The following NR3C1 variants were observed in gnomAD, a reference collection of about 807,000 sequenced individuals.
NR3C1 encodes the protein nuclear receptor subfamily 3 group C member 1.
A neutral mutation model predicts 74.0 loss-of-function variants in NR3C1; 14 were observed. The observed-to-expected ratio is 0.19, with a 90% CI of 0.12 to 0.30. NR3C1 has a LOEUF of 0.30. NR3C1 is among the 10% of genes least tolerant of loss of function. The pLI is 1.00. For missense variants in NR3C1, 695 were observed against 909.8 expected, an observed-to-expected ratio of 0.76 and a Z score of 3.04; for synonymous variants, 308 against 332.5, an observed-to-expected ratio of 0.93 and a Z score of 0.80.
intron 1 of NR3C1, among the ~76,000 whole-genome samples, chr5:143,429,841 A>G (rs1017288129): frequency 1.3e-5 from 2 of 152,112 alleles, no homozygotes; most frequent in Non-Finnish European, 2.9e-5. Flanking sequence ...GCACTTTGGG[A>G]GGCCGAGGTG....
chr5:143,420,240 C>T (rs1187895122), intron 1 of NR3C1, among the ~76,000 whole-genome samples: 1 of 152,076 alleles, frequency 6.6e-6, no homozygotes, highest in East Asian at 1.9e-4. Context: ...CATACATCCT[C>T]CTCAGTTTAG....
rs1333779302 is a variant in NR3C1 at position 143,400,547 on chromosome 5, A to G, written c.293T>C (p.Met98Thr). ...CTGTGGGAATCCCAGGTCATTTCCC[A>G]TCACTTTTGTTTCTGTCTCTCCCAT... ...LYMGETETKV[M>T]GNDLGFPQQG... The change falls in exon 2 of 9, where the codon ATG (methionine) becomes ACG (threonine). Residue 98 changes from methionine (M) to threonine (T), a missense_variant. This residue lies in a region of NR3C1 where 497 missense variants were observed against 489.5 expected (regional missense o/e 1.02). Coordinates refer to ENST00000394464, the MANE Select transcript of NR3C1 (RefSeq NM_000176.3). 1 of 1,614,254 alleles carries G rather than the reference A, an allele frequency of 6.2e-7. No homozygotes were observed. Among genetic ancestry groups the G allele is most frequent in the Non-Finnish European group, 8.5e-7 (1 of 1,180,050 alleles).
chr5:143,435,074 A>G (rs1472431455), exon 1 of NR3C1: 3 of 985,328 alleles, frequency 3.0e-6, no homozygotes, highest in South Asian at 4.7e-5. Context: ...ATGGAAACCA[A>G]CATGTGAGGT....
chr5:143,402,805 A>G lies in NR3C1; in HGVS notation c.-14+406T>C, dbSNP rs976006586. ...GGGGTGGCGTGCAAATATTCGGGCG[A>G]GTAAAATTCAGACGCGGCTTAGCGT... On this transcript the variant is annotated intron_variant, in intron 1 of 8. Transcript: ENST00000394464. 12 of 985,308 alleles carry G rather than the reference A, an allele frequency of 1.2e-5. No homozygotes were observed. The African/African-American group carries it at 2.1e-4, about 17-fold the overall frequency. 61.0% of individuals were successfully genotyped at this position (985,308 alleles called of 1,614,324 possible).
intron 2 of NR3C1, among the ~76,000 whole-genome samples, chr5:143,321,720 A>G (rs956248474): frequency 2.0e-5 from 3 of 152,180 alleles, no homozygotes; most frequent in African/African-American, 7.2e-5. Context: ...GATTCTACAA[A>G]TATTTATCAA....
intron 7 of NR3C1, among the ~76,000 whole-genome samples, chr5:143,287,195 T>C (rs992881446): frequency 3.3e-5 from 5 of 151,618 alleles, no homozygotes; most frequent in African/African-American, 1.2e-4. Flanking sequence ...ATCAATGACA[T>C]AGGAAACAAA....
intron 7 of NR3C1, chr5:143,295,189 G>A (rs953390291): frequency 4.1e-6 from 4 of 985,182 alleles, no homozygotes; most frequent in African/African-American, 1.7e-5. Context: ...TCAAAGGAAG[G>A]AAGGAGAAAA....
intron 2 of NR3C1, among the ~76,000 whole-genome samples, chr5:143,325,428 T>TAGG (rs1824374082): frequency 6.6e-6 from 1 of 152,110 alleles, no homozygotes; most frequent in South Asian, 2.1e-4. Flanking sequence ...CCACAACACA[T>TAGG]AGGAATTCTG....
chr5:143,354,828 C>T (rs2151797795), intron 2 of NR3C1, among the ~76,000 whole-genome samples: 1 of 149,664 alleles, frequency 6.7e-6, no homozygotes, highest in Non-Finnish European at 1.5e-5. Flanking sequence ...GAGGCTGAGG[C>T]AGGAGGATTG....
At chr5:143,422,564 T>C (rs909058711) in intron 1 of NR3C1, among the ~76,000 whole-genome samples, 1 of 152,048 alleles carries the variant, frequency 6.6e-6, no homozygotes, top group Non-Finnish European at 1.5e-5. Context: ...ATGAATGGGA[T>C]TAGTGCCCAT....
intron 2 of NR3C1, among the ~76,000 whole-genome samples, chr5:143,324,935 T>C (rs1054893758): frequency 1.3e-5 from 2 of 152,172 alleles, no homozygotes; most frequent in African/African-American, 4.8e-5. Flanking sequence ...GTTCCTAATA[T>C]CCATCTGAGA....
upstream of NR3C1, chr5:143,405,442 G>A (rs150067124): frequency 6.1e-4 from 478 of 786,262 alleles, 2 homozygotes; most frequent in African/African-American, 8.5e-3. Flanking sequence ...AGGGTACAGT[G>A]TCGCCAGCCC....
intron 2 of NR3C1, among the ~76,000 whole-genome samples, chr5:143,316,557 G>A (rs1170434476): frequency 6.6e-6 from 1 of 152,116 alleles, no homozygotes; most frequent in Non-Finnish European, 1.5e-5. Context: ...GTGGCAGGTG[G>A]TTCATCAGGG....
chr5:143,365,871 T>C (rs1024347998), intron 2 of NR3C1, among the ~76,000 whole-genome samples: 8 of 152,210 alleles, frequency 5.3e-5, no homozygotes, highest in African/African-American at 1.7e-4. Context: ...TTCACAGGTA[T>C]GTGGAAATCA....
rs906319040 is a variant in NR3C1, at chr5:143,279,268, A to T, written c.*2621T>A. On this transcript the variant is annotated 3_prime_UTR_variant, in exon 9 of 9. Coordinates refer to ENST00000394464, the MANE Select transcript of NR3C1 (RefSeq NM_000176.3). ...GAAAAGCCTCCTATAGTTGTCGATG[A>T]GCATCAGTTGACTTATTATTGACAA... 15 of 1,388,052 alleles carry T rather than the reference A, an allele frequency of 1.1e-5. No individual in the cohort carries two copies. The highest frequency in any genetic ancestry group is 1.5e-5 in the Non-Finnish European group (15 of 1,026,882). 86.0% of individuals were successfully genotyped at this position (1,388,052 alleles called of 1,614,324 possible). A position where few individuals can be genotyped will look rare whatever the true frequency, so the allele number is the denominator to read the frequency against.
intron 3 of NR3C1, 48 bp downstream of exon 3, chr5:143,313,954 A>T: frequency 6.3e-7 from 1 of 1,599,830 alleles, no homozygotes; most frequent in African/African-American, 1.3e-5. Context: ...CACCCTGAGA[A>T]ATGAAAACCA....
rs1813117369 is a variant in NR3C1, at chr5:143,281,640, T to C, written c.*249A>G. Reference sequence around the variant, plus strand: ...ACGTCCACATATTAAGGTTTCTAATTTCTGGGATATATTAACTAATAAATT... The same window carrying C: ...ACGTCCACATATTAAGGTTTCTAATCTCTGGGATATATTAACTAATAAATT... On this transcript the variant is annotated 3_prime_UTR_variant, in exon 9 of 9. Transcript: ENST00000394464. 1 of 437,176 alleles carries C rather than the reference T, an allele frequency of 2.3e-6. No homozygotes were observed. The allele number at this position is 437,176 out of a possible 1,614,324, so 27.1% of individuals were successfully genotyped here. A position where few individuals can be genotyped will look rare whatever the true frequency, so the allele number is the denominator to read the frequency against.
intron 4 of NR3C1, among the ~76,000 whole-genome samples, chr5:143,303,121 A>G (rs1029686618): frequency 6.6e-6 from 1 of 152,006 alleles, no homozygotes; most frequent in African/African-American, 2.4e-5. Flanking sequence ...ATTCCACAGA[A>G]GTGAAAAAGA....
chr5:143,311,794 T>TG (rs1561537494), intron 3 of NR3C1, among the ~76,000 whole-genome samples: 1 of 150,506 alleles, frequency 6.6e-6, no homozygotes, highest in African/African-American at 2.4e-5. Flanking sequence ...TAACGTTTTT[T>TG]TTTTTTTTTT....
Sources: allele counts gnomAD v4.1 joint callset (sites outside exome capture counted in the v4.1 genomes callset), GRCh38; gene constraint gnomAD v4.1.1; regional missense constraint gnomAD v4.1.1; transcripts MANE v1.5; gene names NCBI Gene and HGNC (gene_info 2026-07-23, HGNC 2026-07-21).